Variants in SDK1 observed in about 807,000 individuals in gnomAD.
The protein encoded by SDK1 is protein sidekick-1.
Under a neutral mutation model 245.5 loss-of-function variants are expected in SDK1, and 157 were observed. The ratio of observed to expected loss-of-function variants is 0.64; its 90% CI spans 0.56 to 0.73. The LOEUF (loss-of-function observed/expected upper bound fraction) is 0.73, where lower values mean the gene tolerates loss of function less well. Among genes scored for constraint, SDK1 ranks in the 30% least tolerant of loss-of-function variants. The pLI, the probability that SDK1 is intolerant of heterozygous loss-of-function variation, is 0.00. For synonymous variants in SDK1, 1,647 were observed against 1,278.5 expected (o/e 1.29, Z -6.15); for missense variants, 3,583 against 3,002.3 (o/e 1.19, Z -4.52).
At position 4,264,129 on chromosome 7, in the gene SDK1, C is replaced by T. The variant is rs867109241; in HGVS notation, c.6382-995C>T. 8.6e-5 allele frequency among the ~76,000 whole-genome samples: 11 copies of T among 127,356 alleles called. 1 individual carries two copies. Among genetic ancestry groups the T allele is most frequent in the African/African-American group, 3.4e-4 (11 of 32,032 alleles). 83.6% of individuals were successfully genotyped at this position (127,356 alleles called of 152,430 possible). ...GTAGACCTCTCCTGAGTGGGGAGGC[C>T]GCGTAGACCTCTCCTGAGTGAGGGT... On this transcript the variant is annotated intron_variant, in intron 44 of 44. Coordinates refer to ENST00000404826, the MANE Select transcript of SDK1 (RefSeq NM_152744.4).
chr7:3,451,534 G>A (rs192176791), intron 1 of SDK1, among the ~76,000 whole-genome samples: 159 of 151,540 alleles, frequency 1.0e-3, no homozygotes, highest in African/African-American at 3.8e-3. Flanking sequence ...TCAAAATGAC[G>A]TCAGTGTTAT....
At chr7:4,167,490 G>A (rs546974304) in intron 32 of SDK1, among the ~76,000 whole-genome samples, 4 of 152,328 alleles carry the variant, frequency 2.6e-5, no homozygotes, top group East Asian at 3.9e-4. Context: ...TTTCTGAGGC[G>A]TGGCAGGCAC....
At position 4,139,611 on chromosome 7, in the gene SDK1, GTA is replaced by G. The variant is rs1455676003; in HGVS notation, c.4229-6107_4229-6106del. 5.3e-4 allele frequency among the ~76,000 whole-genome samples: 25 copies of G among 47,106 alleles called. 7 individuals are homozygous for G. Among genetic ancestry groups the G allele is most frequent in the Middle Eastern group, 0.014 (1 of 70 alleles). The allele number at this position is 47,106 out of a possible 152,430, so 30.9% of individuals were successfully genotyped here. A position where few individuals can be genotyped will look rare whatever the true frequency, so the allele number is the denominator to read the frequency against. ...TGTGTGTATATGTATATATGTGTGT[GTA>G]TATGTGTGTGTGTATATGTATATAT... On this transcript the variant is annotated intron_variant, in intron 28 of 44. Transcript: ENST00000404826.
At chr7:3,909,410 A>G (rs1779075005) in intron 5 of SDK1, among the ~76,000 whole-genome samples, 1 of 152,190 alleles carries the variant, frequency 6.6e-6, no homozygotes, top group Non-Finnish European at 1.5e-5. Flanking sequence ...TGGGTGGAGT[A>G]GCCTCTGCCC....
rs151100813 is a variant in SDK1, at chr7:3,407,141, C to A, written c.298+105257C>A. Among the ~76,000 whole-genome samples the A allele has an allele frequency of 2.4e-3, 365 of 152,256 alleles. 4 individuals carry two copies. Among genetic ancestry groups the A allele is most frequent in the African/African-American group, 8.4e-3 (350 of 41,548 alleles). ...GGGCTACTGCTCTGCACTAATGATG[C>A]GTGGGGTGAAAGAAGTCCTTGCACA... On this transcript the variant is annotated intron_variant, in intron 1 of 44. Coordinates refer to ENST00000404826, the MANE Select transcript of SDK1 (RefSeq NM_152744.4).
At chr7:3,379,791 A>G (rs757198949) in intron 1 of SDK1, among the ~76,000 whole-genome samples, 13 of 113,364 alleles carry the variant, frequency 1.1e-4, no homozygotes, top group Middle Eastern at 3.7e-3. Flanking sequence ...GAAATTTGCA[A>G]TGTTCCAAAA....
intron 11 of SDK1, among the ~76,000 whole-genome samples, chr7:3,970,437 C>T (rs1482700626): frequency 6.6e-6 from 1 of 152,202 alleles, no homozygotes; most frequent in Admixed American, 6.5e-5. Flanking sequence ...TGGTGGATGA[C>T]TCTGTCAGCC....
intron 13 of SDK1, among the ~76,000 whole-genome samples, chr7:3,979,587 G>A (rs748764944): frequency 6.6e-6 from 1 of 152,130 alleles, no homozygotes; most frequent in African/African-American, 2.4e-5. Context: ...ACCAATTTAG[G>A]AGGGCTCTGC....
At position 3,864,729 on chromosome 7, in the gene SDK1, G is replaced by A. The variant is rs949328952; in HGVS notation, c.847+43146G>A. Among the ~76,000 whole-genome samples, 24 of 152,204 alleles carry A rather than the reference G, an allele frequency of 1.6e-4. No individual in the cohort carries two copies. The South Asian group carries it at 4.6e-3, about 29-fold the overall frequency. On this transcript the variant is annotated intron_variant, in intron 5 of 44. Transcript: ENST00000404826. ...GCTTAGTAACGGGAAAGAGGAAGGA[G>A]CCCCAGGGAATACACCCTGTTTATT...
chr7:3,457,218 G>C (rs184876956), intron 1 of SDK1, among the ~76,000 whole-genome samples: 1 of 152,274 alleles, frequency 6.6e-6, no homozygotes, highest in Admixed American at 6.5e-5. Context: ...TTGTTTGTAG[G>C]TCAGGAAACA....
At chr7:3,755,540 A>C (rs548636490) in intron 4 of SDK1, among the ~76,000 whole-genome samples, 1 of 152,098 alleles carries the variant, frequency 6.6e-6, no homozygotes, top group Non-Finnish European at 1.5e-5. Flanking sequence ...AGAATACTTA[A>C]TTTTTTTAAT....
At chr7:3,972,300 C>T (rs1294262001) in intron 12 of SDK1, among the ~76,000 whole-genome samples, 1 of 152,110 alleles carries the variant, frequency 6.6e-6, no homozygotes, top group East Asian at 1.9e-4. Context: ...AGGATGGTCT[C>T]GATGTCTTGA....
intron 5 of SDK1, among the ~76,000 whole-genome samples, chr7:3,929,151 G>C (rs1318076000): frequency 6.6e-6 from 1 of 152,212 alleles, no homozygotes; most frequent in South Asian, 2.1e-4. Flanking sequence ...ATTTGTCCTT[G>C]CCCTTGGTTA....
chr7:3,675,900 C>T (rs1380854758), intron 4 of SDK1, among the ~76,000 whole-genome samples: 1 of 152,124 alleles, frequency 6.6e-6, no homozygotes, highest in Non-Finnish European at 1.5e-5. Context: ...GCTGATTTAT[C>T]TAACTTCCTT....
chr7:3,511,618 G>T (rs566214378), intron 1 of SDK1, among the ~76,000 whole-genome samples: 8 of 151,936 alleles, frequency 5.3e-5, no homozygotes, highest in African/African-American at 1.7e-4. Flanking sequence ...CTCTAGTTCA[G>T]TTTTTTCTGG....
At chr7:3,643,459 C>T (rs191289868) in intron 4 of SDK1, 1 of 150,156 alleles carries the variant, frequency 6.7e-6, no homozygotes, top group African/African-American at 2.5e-5. Flanking sequence ...GAATCCTTCC[C>T]CTAAACCTGG....
rs981502574 is a variant in SDK1 at position 4,131,614 on chromosome 7, C to T, written c.4130-711C>T. ...GTCAGTTATTAATTCCAACAAGAAGCTCTCATACTGGCCACACACTTACTT... is the reference window on the plus strand; with the variant it reads ...GTCAGTTATTAATTCCAACAAGAAGTTCTCATACTGGCCACACACTTACTT... On this transcript the variant is annotated intron_variant, in intron 27 of 44. Coordinates refer to ENST00000404826, the MANE Select transcript of SDK1 (RefSeq NM_152744.4). Among the ~76,000 whole-genome samples the T allele has an allele frequency of 6.6e-5, 10 of 152,186 alleles. No homozygotes were observed. In the East Asian group the frequency reaches 1.7e-3, roughly 26 times the overall value.
At chr7:3,805,253 T>G (rs1005419584) in intron 4 of SDK1, among the ~76,000 whole-genome samples, 2 of 152,220 alleles carry the variant, frequency 1.3e-5, no homozygotes, top group African/African-American at 4.8e-5. Context: ...TATTTATTAC[T>G]TCAGTGAGTG....
intron 1 of SDK1, among the ~76,000 whole-genome samples, chr7:3,445,930 G>A (rs1780329033): frequency 6.6e-6 from 1 of 151,018 alleles, no homozygotes; most frequent in Admixed American, 6.6e-5. Context: ...TATTCTTGAG[G>A]GTCGGTCTAC....
Sources: gnomAD v4.1 joint callset for allele counts (sites outside exome capture counted in the v4.1 genomes callset) on GRCh38, gnomAD v4.1.1 for gene constraint, MANE v1.5 for transcripts, NCBI Gene and HGNC (gene_info 2026-07-23, HGNC 2026-07-21) for gene names.